Variants in ROBO1 observed in about 807,000 individuals in gnomAD.
The protein encoded by ROBO1 is roundabout homolog 1.
ROBO1 carries 149 observed loss-of-function variants against 195.9 expected under a neutral mutation model. That is an observed-to-expected ratio of 0.76 (90% CI 0.67 to 0.87). ROBO1 has a LOEUF of 0.87. ROBO1 is among the 40% of genes least tolerant of loss of function. ROBO1 has a pLI of 0.00. For missense variants in ROBO1, 1,933 were observed against 2,068.3 expected (o/e 0.93, Z 1.27); for synonymous variants, 816 against 733.2 (o/e 1.11, Z -1.82).
intron 4 of ROBO1, among the ~76,000 whole-genome samples, chr3:78,882,971 C>T (rs796317979): frequency 1.1e-4 from 16 of 152,076 alleles, no homozygotes; most frequent in Admixed American, 7.2e-4. Flanking sequence ...CGCCACCACA[C>T]CAGGCTAATT....
intron 3 of ROBO1, among the ~76,000 whole-genome samples, chr3:79,083,724 G>C (rs1026730326): frequency 7.2e-5 from 11 of 152,170 alleles, no homozygotes; most frequent in African/African-American, 2.4e-4. Context: ...ATGAAAAGAA[G>C]ACTTCAACTG....
chr3:79,000,106 G>A (rs1475364754), intron 3 of ROBO1, among the ~76,000 whole-genome samples: 5 of 152,056 alleles, frequency 3.3e-5, no homozygotes, highest in Admixed American at 6.6e-5. Flanking sequence ...AAAGGAAAGA[G>A]GTTTAATGGA....
intron 3 of ROBO1, among the ~76,000 whole-genome samples, chr3:79,092,635 C>T (rs1003188700): frequency 2.6e-5 from 4 of 152,078 alleles, no homozygotes; most frequent in Non-Finnish European, 5.9e-5. Context: ...AAATTCCTTT[C>T]GTTATAATAA....
intron 2 of ROBO1, among the ~76,000 whole-genome samples, chr3:79,380,985 C>T (rs2036547736): frequency 6.6e-6 from 1 of 152,162 alleles, no homozygotes; most frequent in African/African-American, 2.4e-5. Context: ...TGGTTGCAGA[C>T]ATATGAGTGA....
intron 4 of ROBO1, among the ~76,000 whole-genome samples, chr3:78,871,473 C>T (rs1190124350): frequency 2.0e-5 from 3 of 152,034 alleles, no homozygotes; most frequent in African/African-American, 4.8e-5. Flanking sequence ...CCTACGGCAT[C>T]AGTTGATTTT....
At chr3:78,941,053 A>G (rs2040107432) in intron 3 of ROBO1, among the ~76,000 whole-genome samples, 1 of 152,240 alleles carries the variant, frequency 6.6e-6, no homozygotes, top group Admixed American at 6.5e-5. Flanking sequence ...GCTTATTTGT[A>G]TCTAATTTGT....
At chr3:78,959,116 A>G (rs952146404) in intron 3 of ROBO1, among the ~76,000 whole-genome samples, 3 of 152,134 alleles carry the variant, frequency 2.0e-5, no homozygotes, top group South Asian at 2.1e-4. Context: ...TTTCTTCTTA[A>G]TAAGTCAAGT....
intron 3 of ROBO1, among the ~76,000 whole-genome samples, chr3:79,087,792 A>G (rs762679230): frequency 2.0e-5 from 3 of 152,120 alleles, no homozygotes; most frequent in Non-Finnish European, 4.4e-5. Context: ...AAGGTGTAAT[A>G]AAGACAACTT....
At chr3:79,604,205 T>G (rs1329126281) in intron 1 of ROBO1, among the ~76,000 whole-genome samples, 1 of 151,964 alleles carries the variant, frequency 6.6e-6, no homozygotes, top group Non-Finnish European at 1.5e-5. Context: ...AGGCAAAAAG[T>G]GTAATCAGAA....
intron 2 of ROBO1, among the ~76,000 whole-genome samples, chr3:79,233,362 T>A (rs1432076895): frequency 6.6e-6 from 1 of 152,110 alleles, no homozygotes; most frequent in East Asian, 1.9e-4. Flanking sequence ...ACCAATAAAC[T>A]TTGCTATATA....
chr3:79,617,030 G>C (rs531077142), intron 1 of ROBO1, among the ~76,000 whole-genome samples: 1 of 152,220 alleles, frequency 6.6e-6, no homozygotes, highest in East Asian at 1.9e-4. Context: ...TTGAGATAAA[G>C]CACAATGTCT....
chr3:79,612,450 T>G (rs1265946786), intron 1 of ROBO1, among the ~76,000 whole-genome samples: 1 of 151,810 alleles, frequency 6.6e-6, no homozygotes, highest in African/African-American at 2.4e-5. Context: ...TTGGGTTGGT[T>G]CCAAGTCTTT....
At chr3:79,176,484 A>G (rs2168372) in intron 2 of ROBO1, among the ~76,000 whole-genome samples, 13,454 of 152,150 alleles carry the variant, frequency 0.088, 1,027 homozygotes, top group African/African-American at 0.21. Flanking sequence ...TTGAGATGGA[A>G]TCTCTCTCTG....
At chr3:78,856,063 T>C (rs1217556234) in intron 4 of ROBO1, among the ~76,000 whole-genome samples, 1 of 151,988 alleles carries the variant, frequency 6.6e-6, no homozygotes, top group Non-Finnish European at 1.5e-5. Flanking sequence ...TTTTCTTTTT[T>C]TTCAAGCTTC....
chr3:79,043,498 A>G (rs1466470848), intron 3 of ROBO1, among the ~76,000 whole-genome samples: 2 of 152,118 alleles, frequency 1.3e-5, no homozygotes, highest in East Asian at 3.9e-4. Flanking sequence ...AGGGTAATCT[A>G]AATAGTGTGT....
Position 79,502,376 on chromosome 3 carries a change from A to G in ROBO1, c.88+87448T>C, listed in dbSNP as rs534172943. The stretch of plus-strand genomic sequence containing the variant: ...AGATGGCTGTCCCCGCCGCCCGGGC[A>G]GTGAGGGGCTTAGCACCTGGGCCAG... On this transcript the variant is annotated intron_variant, in intron 2 of 30. Transcript: ENST00000464233. Among the ~76,000 whole-genome samples, 437 of 152,236 alleles carry G rather than the reference A, an allele frequency of 2.9e-3. 3 individuals are homozygous for G. The highest frequency in any genetic ancestry group is 9.7e-3 in the African/African-American group (405 of 41,548).
chr3:79,678,674 C>T (rs1310574958), intron 1 of ROBO1, among the ~76,000 whole-genome samples: 1 of 152,014 alleles, frequency 6.6e-6, no homozygotes, highest in African/African-American at 2.4e-5. Flanking sequence ...TCTTTGACTT[C>T]ACTGTAGTAG....
At chr3:79,723,769 A>T (rs1365822564) in intron 1 of ROBO1, among the ~76,000 whole-genome samples, 1 of 150,540 alleles carries the variant, frequency 6.6e-6, no homozygotes, top group Admixed American at 6.7e-5. Flanking sequence ...AAACTTAATT[A>T]AACTTAAAAA....
At chr3:79,491,960 T>A (rs965363521) in intron 2 of ROBO1, among the ~76,000 whole-genome samples, 2 of 152,080 alleles carry the variant, frequency 1.3e-5, no homozygotes, top group Non-Finnish European at 2.9e-5. Context: ...GTAGTGTGAA[T>A]AGAGGGCCAT....
Sources: allele counts gnomAD v4.1 joint callset (sites outside exome capture counted in the v4.1 genomes callset), GRCh38; gene constraint gnomAD v4.1.1; transcripts MANE v1.5; gene names NCBI Gene and HGNC (gene_info 2026-07-23, HGNC 2026-07-21).